Variants in GLCE observed in about 807,000 individuals in gnomAD.
GLCE encodes D-glucuronyl C5-epimerase.
Under a neutral mutation model 47.9 loss-of-function variants are expected in GLCE, and 19 were observed. The ratio of observed to expected loss-of-function variants is 0.40; its 90% CI spans 0.28 to 0.58. The LOEUF (loss-of-function observed/expected upper bound fraction) is 0.58. GLCE is among the 20% of genes least tolerant of loss of function. The pLI is 0.48. For synonymous variants in GLCE, 245 were observed against 263.4 expected, an observed-to-expected ratio of 0.93 and a Z score of 0.68; for missense variants, 556 against 743.3, an observed-to-expected ratio of 0.75 and a Z score of 2.93.
At chr15:69,172,518 T>C (rs952801931) in intron 1 of GLCE, among the ~76,000 whole-genome samples, 1 of 152,234 alleles carries the variant, frequency 6.6e-6, no homozygotes, top group Non-Finnish European at 1.5e-5. Flanking sequence ...TAAATGCTTT[T>C]ACATAGGTTG....
chr15:69,258,781 A>C (rs1452816463), intron 3 of GLCE, among the ~76,000 whole-genome samples: 1 of 152,216 alleles, frequency 6.6e-6, no homozygotes, highest in African/African-American at 2.4e-5. Flanking sequence ...ATAATAAATT[A>C]AGATCAAGTG....
At chr15:69,227,961 G>A (rs973319374) in intron 2 of GLCE, among the ~76,000 whole-genome samples, 4 of 152,146 alleles carry the variant, frequency 2.6e-5, no homozygotes, top group African/African-American at 9.7e-5. Flanking sequence ...TTAGAGTACT[G>A]AAAATTGTCA....
chr15:69,264,381 CAT>C (rs569693614), intron 4 of GLCE, among the ~76,000 whole-genome samples: 117 of 152,116 alleles, frequency 7.7e-4, no homozygotes, highest in East Asian at 3.5e-3. Flanking sequence ...TGTATACACA[CAT>C]GTGTGTGCAC....
At chr15:69,238,122 C>T (rs1039720484) in intron 2 of GLCE, among the ~76,000 whole-genome samples, 35 of 152,126 alleles carry the variant, frequency 2.3e-4, no homozygotes, top group Non-Finnish European at 2.4e-4. Flanking sequence ...GCTTTCAATG[C>T]TAGAGAAAAG....
At chr15:69,240,078 T>A (rs1050097755) in intron 2 of GLCE, among the ~76,000 whole-genome samples, 1 of 152,016 alleles carries the variant, frequency 6.6e-6, no homozygotes, top group African/African-American at 2.4e-5. Flanking sequence ...TTGGGTCATA[T>A]AATGGCTTTA....
chr15:69,257,927 A>G (rs1027126308), intron 3 of GLCE, among the ~76,000 whole-genome samples: 8 of 151,742 alleles, frequency 5.3e-5, no homozygotes, highest in Non-Finnish European at 1.2e-4. Flanking sequence ...ACCCATAACC[A>G]CTATTAATAT....
At chr15:69,232,726 A>G (rs903313597) in intron 2 of GLCE, among the ~76,000 whole-genome samples, 6 of 152,238 alleles carry the variant, frequency 3.9e-5, no homozygotes, top group Non-Finnish European at 5.9e-5. Flanking sequence ...AATTATATTC[A>G]CATAATTTGT....
Position 69,222,806 on chromosome 15 carries a change from A to G in GLCE, c.-14+12400A>G, listed in dbSNP as rs140310077. Among the ~76,000 whole-genome samples, 557 of 152,282 alleles carry G rather than the reference A, an allele frequency of 3.7e-3. 4 individuals carry two copies. Among genetic ancestry groups the G allele is most frequent in the African/African-American group, 0.01 (422 of 41,554 alleles). On this transcript the variant is annotated intron_variant, in intron 2 of 4. Transcript: ENST00000261858. Reference sequence around the variant, plus strand: ...CATATCCTGCTCCTTTGCTGAATCCATAGTTGATTTTTTTTATAGTGAAAG... The same window carrying G: ...CATATCCTGCTCCTTTGCTGAATCCGTAGTTGATTTTTTTTATAGTGAAAG...
intron 2 of GLCE, among the ~76,000 whole-genome samples, chr15:69,217,045 A>G (rs2052316987): frequency 6.6e-6 from 1 of 152,150 alleles, no homozygotes; most frequent in Non-Finnish European, 1.5e-5. Flanking sequence ...TAATAGTGTG[A>G]TCACATGACT....
intron 1 of GLCE, among the ~76,000 whole-genome samples, chr15:69,178,479 A>G (rs1020794571): frequency 2.0e-5 from 3 of 152,140 alleles, no homozygotes; most frequent in Non-Finnish European, 2.9e-5. Context: ...AATAATAGCA[A>G]TATCATCTAC....
At chr15:69,233,513 TGG>T (rs1447259749) in intron 2 of GLCE, among the ~76,000 whole-genome samples, 1 of 152,096 alleles carries the variant, frequency 6.6e-6, no homozygotes, top group Non-Finnish European at 1.5e-5. Flanking sequence ...GCACTAGTAA[TGG>T]GGGGAAACAT....
intron 1 of GLCE, among the ~76,000 whole-genome samples, chr15:69,197,864 T>C (rs1405142868): frequency 6.6e-6 from 1 of 152,130 alleles, no homozygotes; most frequent in Non-Finnish European, 1.5e-5. Flanking sequence ...CTATGTTTAA[T>C]GTGACAGGAA....
chr15:69,263,103 A>G (rs186445617), intron 4 of GLCE, among the ~76,000 whole-genome samples: 5 of 152,276 alleles, frequency 3.3e-5, no homozygotes, highest in Admixed American at 6.5e-5. Context: ...GCACTCAAAA[A>G]GTTTTGGATT....
In GLCE at chr15:69,261,326, C is replaced by T. The variant is rs1163675053; in HGVS notation, c.826C>T (p.Pro276Ser). The T allele has an allele frequency of 4.3e-6, 7 of 1,612,954 alleles. No individual in the cohort carries two copies. Among genetic ancestry groups the T allele is most frequent in the Middle Eastern group, 1.6e-4 (1 of 6,078 alleles). The change falls in exon 4 of 5, where the codon CCA becomes TCA. Residue 276 changes from proline (P) to serine (S), a missense_variant. Transcript: ENST00000261858. Reference protein sequence around the residue: ...RFTNVKQFIAPETSEGVSLQL... With the variant: ...RFTNVKQFIASETSEGVSLQL... ...CACCAATGTCAAACAGTTTATTGCACCAGGTAAGTTATGTATTATATGTGC... is the reference window on the plus strand; with the variant it reads ...CACCAATGTCAAACAGTTTATTGCATCAGGTAAGTTATGTATTATATGTGC...
intron 2 of GLCE, 124 bp downstream of exon 2, chr15:69,210,530 A>G (rs2052216910): frequency 1.3e-5 from 2 of 152,136 alleles, no homozygotes; most frequent in Non-Finnish European, 2.9e-5. Context: ...TACCAATACT[A>G]TGCATTTTTA....
chr15:69,168,536 CT>C (rs11288270), intron 1 of GLCE, among the ~76,000 whole-genome samples: 101,588 of 142,214 alleles, frequency 0.71, 36,176 homozygotes, highest in Admixed American at 0.77. Context: ...CCATCTATTC[CT>C]TTTTTTTTTT....
chr15:69,229,452 A>T (rs933091735), intron 2 of GLCE, among the ~76,000 whole-genome samples: 4 of 152,220 alleles, frequency 2.6e-5, no homozygotes, highest in African/African-American at 9.6e-5. Context: ...TGAAAATTAT[A>T]TCAGATGGAA....
At chr15:69,215,607 A>C (rs1044942732) in intron 2 of GLCE, among the ~76,000 whole-genome samples, 2 of 151,876 alleles carry the variant, frequency 1.3e-5, no homozygotes, top group African/African-American at 4.8e-5. Context: ...ACTTGAGTGA[A>C]TACCTAGGAG....
chr15:69,217,451 C>G (rs766983360), intron 2 of GLCE, among the ~76,000 whole-genome samples: 2 of 151,090 alleles, frequency 1.3e-5, no homozygotes, highest in Non-Finnish European at 2.9e-5. Context: ...TCTTGAAAAG[C>G]AGGAAAAAAA....
Sources: gnomAD v4.1 joint callset for allele counts (sites outside exome capture counted in the v4.1 genomes callset) on GRCh38, gnomAD v4.1.1 for gene constraint, MANE v1.5 for transcripts, NCBI Gene and HGNC (gene_info 2026-07-23, HGNC 2026-07-21) for gene names.